SHROOM3: variants seen among roughly 807,000 people sequenced by gnomAD.
The protein encoded by SHROOM3 is protein Shroom3.
SHROOM3 carries 47 observed loss-of-function variants against 138.6 expected under a neutral mutation model. That is an observed-to-expected ratio of 0.34 (90% confidence interval 0.27 to 0.43). SHROOM3 has a LOEUF of 0.43. SHROOM3 is among the 20% of genes least tolerant of loss of function. SHROOM3 has a pLI of 1.00. For synonymous variants in SHROOM3, 1,062 were observed against 1,063.3 expected, an observed-to-expected ratio of 1.00 and a Z score of 0.02; for missense variants, 2,491 against 2,596.5, an observed-to-expected ratio of 0.96 and a Z score of 0.88.
At chr4:76,745,445 G>A (rs1721403883) in intron 5 of SHROOM3, among the ~76,000 whole-genome samples, 1 of 152,220 alleles carries the variant, frequency 6.6e-6, no homozygotes, top group Non-Finnish European at 1.5e-5. Context: ...ATCACTATGA[G>A]ATGGTGTGAC....
At chr4:76,733,932 G>A (rs61688327) in intron 4 of SHROOM3, among the ~76,000 whole-genome samples, 37,808 of 151,922 alleles carry the variant, frequency 0.25, 5,040 homozygotes, top group African/African-American at 0.33. Flanking sequence ...GCTGCTTTCT[G>A]TCAGACCCTT....
chr4:76,549,514 G>C (rs1398265538), intron 1 of SHROOM3, among the ~76,000 whole-genome samples: 4 of 152,056 alleles, frequency 2.6e-5, no homozygotes, highest in African/African-American at 9.7e-5. Context: ...GATTACAGGT[G>C]CGTGCCACCA....
At chr4:76,441,097 T>TTTTTTG (rs1553913365) in intron 1 of SHROOM3, among the ~76,000 whole-genome samples, 1 of 135,446 alleles carries the variant, frequency 7.4e-6, no homozygotes, top group Non-Finnish European at 1.6e-5. Flanking sequence ...TTTTTTTTTT[T>TTTTTTG]TTTTTTTTTT....
intron 2 of SHROOM3, chr4:76,586,092 G>T (rs758498361): frequency 6.4e-5 from 16 of 249,998 alleles, no homozygotes; most frequent in Non-Finnish European, 1.0e-4. Context: ...CGGCGTGCCA[G>T]CGCGGTGGAA....
At chr4:76,474,940 T>A (rs865932870) in intron 1 of SHROOM3, among the ~76,000 whole-genome samples, 35 of 148,460 alleles carry the variant, frequency 2.4e-4, no homozygotes, top group Middle Eastern at 6.8e-3. Flanking sequence ...AAAAAAAAAA[T>A]TTTTTTTTTG....
At chr4:76,460,252 A>G (rs1231360473) in intron 1 of SHROOM3, among the ~76,000 whole-genome samples, 1 of 152,200 alleles carries the variant, frequency 6.6e-6, no homozygotes, top group African/African-American at 2.4e-5. Flanking sequence ...TAAAAACAGC[A>G]TATTTGTGAT....
At chr4:76,712,797 A>C (rs550253057) in intron 3 of SHROOM3, among the ~76,000 whole-genome samples, 3 of 152,314 alleles carry the variant, frequency 2.0e-5, no homozygotes, top group African/African-American at 7.2e-5. Context: ...TCATTAAGCG[A>C]TTTTATTGTT....
At chr4:76,472,759 A>T (rs1560516674) in intron 1 of SHROOM3, among the ~76,000 whole-genome samples, 1 of 151,006 alleles carries the variant, frequency 6.6e-6, no homozygotes, top group African/African-American at 2.4e-5. Flanking sequence ...CAGTGGCGTG[A>T]TCTCAGCTCA....
chr4:76,579,590 G>A (rs1200474847), intron 2 of SHROOM3, among the ~76,000 whole-genome samples: 2 of 152,262 alleles, frequency 1.3e-5, no homozygotes, highest in Non-Finnish European at 2.9e-5. Context: ...TTGTGGAGAA[G>A]TCAGACGATC....
chr4:76,702,097 C>T (rs1719918242), intron 2 of SHROOM3, among the ~76,000 whole-genome samples: 1 of 152,064 alleles, frequency 6.6e-6, no homozygotes, highest in Non-Finnish European at 1.5e-5. Context: ...TGTTTTATCT[C>T]ATATGAATAA....
chr4:76,451,096 C>A (rs1305416984), intron 1 of SHROOM3, among the ~76,000 whole-genome samples: 1 of 151,896 alleles, frequency 6.6e-6, no homozygotes, highest in Non-Finnish European at 1.5e-5. Context: ...ATTACAGGCA[C>A]CTGCCACCAT....
At chr4:76,680,194 A>G (rs187705412) in intron 2 of SHROOM3, among the ~76,000 whole-genome samples, 4 of 147,532 alleles carry the variant, frequency 2.7e-5, no homozygotes, top group East Asian at 4.0e-4. Context: ...AGACTGGAGT[A>G]CAGTGGCGCA....
chr4:76,590,104 T>C (rs1372671256), intron 2 of SHROOM3, among the ~76,000 whole-genome samples: 1 of 152,210 alleles, frequency 6.6e-6, no homozygotes, highest in Non-Finnish European at 1.5e-5. Flanking sequence ...AATATGCTGG[T>C]TCTCTTAACT....
intron 2 of SHROOM3, among the ~76,000 whole-genome samples, chr4:76,701,362 G>A (rs1719897547): frequency 6.6e-6 from 1 of 152,164 alleles, no homozygotes; most frequent in Admixed American, 6.5e-5. Flanking sequence ...AGGCAGTATG[G>A]AACAAGAGAG....
chr4:76,664,992 T>C lies in SHROOM3; in HGVS notation c.324-45164T>C, dbSNP rs749296703. Among the ~76,000 whole-genome samples, 2 of 152,024 alleles carry C rather than the reference T, an allele frequency of 1.3e-5. No homozygotes were observed. The highest frequency in any genetic ancestry group is 2.9e-5 in the Non-Finnish European group (2 of 68,008). On this transcript the variant is annotated intron_variant, in intron 2 of 10. Coordinates refer to ENST00000296043, the MANE Select transcript of SHROOM3 (RefSeq NM_020859.4). The surrounding 1 kb of genome is among the most constrained non-coding windows in gnomAD (Gnocchi z 4.2). Reference sequence around the variant, plus strand: ...ACAGTGAGACCACGTCTCAAAAATATATATATTAACAAAATAAAGGCTTCC... The same window carrying C: ...ACAGTGAGACCACGTCTCAAAAATACATATATTAACAAAATAAAGGCTTCC...
At chr4:76,658,674 G>A (rs970604682) in intron 2 of SHROOM3, among the ~76,000 whole-genome samples, 1 of 151,548 alleles carries the variant, frequency 6.6e-6, no homozygotes, top group Non-Finnish European at 1.5e-5. Context: ...GTGTGTATGT[G>A]TGTGTGTGTT....
At chr4:76,555,121 A>G (rs1733456456) in intron 1 of SHROOM3, among the ~76,000 whole-genome samples, 1 of 151,946 alleles carries the variant, frequency 6.6e-6, no homozygotes, top group Non-Finnish European at 1.5e-5. Flanking sequence ...ATAATGAAAA[A>G]ATAATAAAGT....
At chr4:76,589,023 C>A (rs1734208190) in intron 2 of SHROOM3, among the ~76,000 whole-genome samples, 1 of 152,220 alleles carries the variant, frequency 6.6e-6, no homozygotes, top group Admixed American at 6.5e-5. Context: ...AATTTTGCTT[C>A]TTAGTTGGAC....
At chr4:76,516,071 G>A (rs1257247009) in intron 1 of SHROOM3, among the ~76,000 whole-genome samples, 1 of 152,158 alleles carries the variant, frequency 6.6e-6, no homozygotes, top group Non-Finnish European at 1.5e-5. Context: ...AGGTTAGTGT[G>A]TGAAACTAGC....
Sources: gnomAD v4.1 joint callset for allele counts (sites outside exome capture counted in the v4.1 genomes callset) on GRCh38, gnomAD v4.1.1 for gene constraint, Gnocchi (gnomAD v3.1) non-coding constraint, MANE v1.5 for transcripts, NCBI Gene and HGNC (gene_info 2026-07-23, HGNC 2026-07-21) for gene names.